TIAM2: variants seen among roughly 807,000 people sequenced by gnomAD.
TIAM2 encodes the protein rho guanine nucleotide exchange factor TIAM2.
A neutral mutation model predicts 152.9 loss-of-function variants in TIAM2; 80 were observed. The observed-to-expected ratio is 0.52, with a 90% confidence interval of 0.44 to 0.63. The LOEUF is 0.63. TIAM2 is among the 30% of genes least tolerant of loss of function. The pLI, the probability that TIAM2 is intolerant of heterozygous loss-of-function variation, is 0.00. For missense variants in TIAM2, 1,965 were observed against 2,120.1 expected (o/e 0.93, Z 1.44); for synonymous variants, 804 against 838.0 (o/e 0.96, Z 0.70).
At chr6:155,087,601 T>C (rs1000098568) in intron 1 of TIAM2, among the ~76,000 whole-genome samples, 7 of 151,910 alleles carry the variant, frequency 4.6e-5, no homozygotes, top group Admixed American at 4.6e-4. Flanking sequence ...ATACAAAAAT[T>C]AGCCAGGCGT....
chr6:155,189,637 G>A (rs777050417), intron 14 of TIAM2, among the ~76,000 whole-genome samples: 5 of 151,864 alleles, frequency 3.3e-5, no homozygotes, highest in African/African-American at 7.3e-5. Context: ...GTTAAATGTC[G>A]AAGGTACATA....
intron 2 of TIAM2, among the ~76,000 whole-genome samples, chr6:155,107,895 T>G (rs1778737913): frequency 6.6e-6 from 1 of 152,202 alleles, no homozygotes. Context: ...CGAGGAGCCC[T>G]GGCTTTGGTG....
At chr6:155,207,063 C>G (rs1479247970) in intron 14 of TIAM2, among the ~76,000 whole-genome samples, 2 of 152,086 alleles carry the variant, frequency 1.3e-5, no homozygotes, top group African/African-American at 4.8e-5. Flanking sequence ...AGGTGGGAAG[C>G]CAGATTTTCG....
intron 1 of TIAM2, among the ~76,000 whole-genome samples, chr6:154,997,431 C>T (rs1351579914): frequency 6.6e-6 from 1 of 152,004 alleles, no homozygotes; most frequent in East Asian, 1.9e-4. Flanking sequence ...ATCCGATTCA[C>T]ACTCCACTTG....
chr6:155,205,133 G>C (rs964518868), intron 14 of TIAM2, among the ~76,000 whole-genome samples: 1 of 121,708 alleles, frequency 8.2e-6, no homozygotes, highest in African/African-American at 3.2e-5. Flanking sequence ...TCCAACATGT[G>C]AATTCTGGGG....
At chr6:155,021,273 T>G (rs1776479532) in intron 1 of TIAM2, among the ~76,000 whole-genome samples, 1 of 152,126 alleles carries the variant, frequency 6.6e-6, no homozygotes, top group Non-Finnish European at 1.5e-5. Flanking sequence ...TCTTTTTTCT[T>G]TTTTTGAGAT....
Position 155,193,811 on chromosome 6 carries a change from A to G in TIAM2, c.3064+10311A>G, listed in dbSNP as rs146772963. Among the ~76,000 whole-genome samples, 252 of 152,342 alleles carry G rather than the reference A, an allele frequency of 1.7e-3. 2 individuals are homozygous for G. The highest frequency in any genetic ancestry group is 6.0e-3 in the African/African-American group (248 of 41,578). ...CATTTTTAAATGTAAGAGTGTGGCAATGAAGAGCGCAATGGTGCTGAGCAC... is the reference window on the plus strand; with the variant it reads ...CATTTTTAAATGTAAGAGTGTGGCAGTGAAGAGCGCAATGGTGCTGAGCAC... On this transcript the variant is annotated intron_variant, in intron 14 of 26. Coordinates refer to ENST00000682666, the MANE Select transcript of TIAM2 (RefSeq NM_012454.4).
intron 18 of TIAM2, 77 bp from the exon 19 acceptor site, chr6:155,245,546 T>C: frequency 1.7e-6 from 2 of 1,184,126 alleles, no homozygotes; most frequent in East Asian, 2.3e-5. Context: ...ACAGAAGCCA[T>C]GGGGCCGTCA....
intron 15 of TIAM2, among the ~76,000 whole-genome samples, chr6:155,212,781 G>T (rs902874450): frequency 1.3e-5 from 2 of 152,152 alleles, no homozygotes; most frequent in Admixed American, 1.3e-4. Context: ...GTGGTGAGGG[G>T]TGTGTCAGTG....
At chr6:155,008,706 T>A (rs1027660160) in intron 1 of TIAM2, among the ~76,000 whole-genome samples, 5 of 152,220 alleles carry the variant, frequency 3.3e-5, no homozygotes, top group African/African-American at 1.2e-4. Flanking sequence ...TGAGGCTCAG[T>A]GTCTGGAATG....
In TIAM2 at chr6:155,053,691, G is replaced by A. The variant is rs562308371; in HGVS notation, c.-208-36598G>A. On this transcript the variant is annotated intron_variant, in intron 1 of 26. Transcript: ENST00000682666. The stretch of plus-strand genomic sequence containing the variant: ...TTGCCATGTTGGCCAGGCTGGTCTC[G>A]AACTCCTGACCTCAAGTGATTCGCC... Among the ~76,000 whole-genome samples the A allele has an allele frequency of 1.3e-3, 199 of 152,058 alleles. 1 individual carries two copies. The highest frequency in any genetic ancestry group is 4.5e-3 in the African/African-American group (187 of 41,496).
intron 2 of TIAM2, among the ~76,000 whole-genome samples, chr6:155,117,894 G>A: frequency 6.6e-6 from 1 of 152,230 alleles, no homozygotes; most frequent in East Asian, 1.9e-4. Context: ...TCCGTGTATA[G>A]GAGAGTCTCC....
chr6:155,221,138 AAC>A (rs1562358981), intron 15 of TIAM2, among the ~76,000 whole-genome samples: 20 of 144,832 alleles, frequency 1.4e-4, no homozygotes, highest in East Asian at 6.3e-4. Flanking sequence ...AAAAAAAAAA[AAC>A]AAAAAAAAAC....
chr6:155,224,963 G>T (rs1782191747), intron 15 of TIAM2, among the ~76,000 whole-genome samples: 1 of 152,156 alleles, frequency 6.6e-6, no homozygotes, highest in Admixed American at 6.5e-5. Context: ...TTATTTGTTT[G>T]TTTGTTTGTT....
At position 155,001,106 on chromosome 6, in the gene TIAM2, A is replaced by C. The variant is rs374087693; in HGVS notation, c.-209+5614A>C. Among the ~76,000 whole-genome samples the C allele has an allele frequency of 3.1e-5, 4 of 130,088 alleles. No individual in the cohort carries two copies. In the East Asian group the frequency reaches 9.0e-4, roughly 29 times the overall value. 85.3% of individuals were successfully genotyped at this position (130,088 alleles called of 152,430 possible). On this transcript the variant is annotated intron_variant, in intron 1 of 26. Transcript: ENST00000682666. The stretch of plus-strand genomic sequence containing the variant: ...GTAGATCATCAAAGGTGGTGGCAGT[A>C]GAATAGTGGGGACAGACATGGAAGA...
At position 155,189,102 on chromosome 6, in the gene TIAM2, T is replaced by C. The variant is rs139144348; in HGVS notation, c.3064+5602T>C. ...AATGAATTGCTCTTGGGAATGTATGTGTCCATTATATAGCTTCTCACCAGG... is the reference window on the plus strand; with the variant it reads ...AATGAATTGCTCTTGGGAATGTATGCGTCCATTATATAGCTTCTCACCAGG... On this transcript the variant is annotated intron_variant, in intron 14 of 26. Coordinates refer to ENST00000682666, the MANE Select transcript of TIAM2 (RefSeq NM_012454.4). 6.1e-3 allele frequency among the ~76,000 whole-genome samples: 922 copies of C among 152,342 alleles called. 4 individuals are homozygous for C. Among genetic ancestry groups the C allele is most frequent in the Admixed American group, 9.5e-3 (146 of 15,304 alleles).
At chr6:155,188,017 G>A (rs1781095844) in intron 14 of TIAM2, among the ~76,000 whole-genome samples, 2 of 152,162 alleles carry the variant, frequency 1.3e-5, no homozygotes, top group Admixed American at 6.5e-5. Flanking sequence ...TACAAGAGGT[G>A]GCCTGAACTG....
chr6:155,143,850 G>A (rs986331321), intron 5 of TIAM2, among the ~76,000 whole-genome samples: 11 of 152,042 alleles, frequency 7.2e-5, no homozygotes, highest in Non-Finnish European at 1.0e-4. Context: ...ATAAAACCTG[G>A]GGACCCCAAT....
intron 14 of TIAM2, among the ~76,000 whole-genome samples, chr6:155,194,058 C>T (rs1029491825): frequency 6.6e-6 from 1 of 152,202 alleles, no homozygotes; most frequent in African/African-American, 2.4e-5. Context: ...AGCAGCAACA[C>T]AGAGGAGCAG....
Sources: gnomAD v4.1 joint callset for allele counts (sites outside exome capture counted in the v4.1 genomes callset) on GRCh38, gnomAD v4.1.1 for gene constraint, MANE v1.5 for transcripts, NCBI Gene and HGNC (gene_info 2026-07-23, HGNC 2026-07-21) for gene names.